FSHR: variants seen among roughly 807,000 people sequenced by gnomAD.
FSHR encodes follicle stimulating hormone receptor, also known as follicle-stimulating hormone receptor.
A neutral mutation model predicts 52.1 loss-of-function variants in FSHR; 46 were observed. The observed-to-expected ratio is 0.88, with a 90% CI of 0.70 to 1.13. FSHR has a LOEUF of 1.13. Among genes scored for constraint, FSHR ranks in the 50% most tolerant of loss-of-function variants. The pLI, the probability that FSHR is intolerant of heterozygous loss-of-function variation, is 0.00. For synonymous variants in FSHR, 399 were observed against 309.6 expected (o/e 1.29, Z -3.03); for missense variants, 964 against 834.6 (o/e 1.16, Z -1.91).
intron 1 of FSHR, among the ~76,000 whole-genome samples, chr2:49,122,535 A>G (rs1025168721): frequency 1.3e-5 from 2 of 152,058 alleles, no homozygotes; most frequent in African/African-American, 4.8e-5. Flanking sequence ...TTCTAGTTTT[A>G]TCCTGGCTGA....
chr2:49,110,332 C>T (rs1450216661), intron 1 of FSHR, among the ~76,000 whole-genome samples: 1 of 152,160 alleles, frequency 6.6e-6, no homozygotes, highest in African/African-American at 2.4e-5. Context: ...AAGATTTAAA[C>T]ATGGGCTGTC....
intron 2 of FSHR, among the ~76,000 whole-genome samples, chr2:49,033,538 T>C (rs1668175441): frequency 6.6e-6 from 1 of 152,118 alleles, no homozygotes; most frequent in Non-Finnish European, 1.5e-5. Context: ...TCAGCTCAGA[T>C]AAGGAAAGAG....
rs2072487 is a variant in FSHR at position 48,989,145 on chromosome 2, C to T, written c.447-91G>A. 677,915 of 906,506 alleles carry T rather than the reference C, an allele frequency of 0.75. 254,315 individuals are homozygous for T. Among genetic ancestry groups the T allele is most frequent in the Non-Finnish European group, 0.77 (432,174 of 557,690 alleles). The allele number at this position is 906,506 out of a possible 1,614,324, so 56.2% of individuals were successfully genotyped here. On this transcript the variant is annotated intron_variant, in intron 5 of 9. Transcript: ENST00000406846. ...AGTTTAACTGGCATGATGCGGTCTT[C>T]AGCTGAGGTAATGTATTAATATAAC...
chr2:49,058,476 G>A (rs1321569250), intron 2 of FSHR, among the ~76,000 whole-genome samples: 2 of 152,122 alleles, frequency 1.3e-5, no homozygotes, highest in African/African-American at 4.8e-5. Flanking sequence ...GAACCGGGAG[G>A]CAGAGGTTGC....
At chr2:48,985,870 C>T (rs1025334905) in intron 6 of FSHR, among the ~76,000 whole-genome samples, 2 of 147,666 alleles carry the variant, frequency 1.4e-5, no homozygotes, top group African/African-American at 2.5e-5. Context: ...CCCGCCACTG[C>T]GCCCGGCTAA....
At chr2:49,062,838 A>C (rs1669363856) in intron 2 of FSHR, among the ~76,000 whole-genome samples, 1 of 152,142 alleles carries the variant, frequency 6.6e-6, no homozygotes, top group African/African-American at 2.4e-5. Context: ...AGAAAAATGC[A>C]AATCAAACCA....
intron 4 of FSHR, among the ~76,000 whole-genome samples, chr2:48,994,980 A>G (rs1236838610): frequency 6.6e-6 from 1 of 152,136 alleles, no homozygotes; most frequent in Non-Finnish European, 1.5e-5. Context: ...ATTGCTGGGA[A>G]CCATTCTTAC....
chr2:48,965,953 C>A (rs1674460150), intron 9 of FSHR, among the ~76,000 whole-genome samples: 1 of 152,168 alleles, frequency 6.6e-6, no homozygotes, highest in Non-Finnish European at 1.5e-5. Flanking sequence ...AAGTGGCACT[C>A]TTGGACTCTG....
chr2:49,058,154 A>C (rs1669136847), intron 2 of FSHR, among the ~76,000 whole-genome samples: 2 of 152,232 alleles, frequency 1.3e-5, no homozygotes, highest in South Asian at 2.1e-4. Flanking sequence ...CATAGTATTG[A>C]AAGTTCAAAC....
At chr2:49,104,608 A>G (rs1462274639) in intron 1 of FSHR, among the ~76,000 whole-genome samples, 4 of 152,186 alleles carry the variant, frequency 2.6e-5, no homozygotes, top group African/African-American at 9.6e-5. Context: ...AATGGTTTGC[A>G]GAAAGATATC....
At chr2:49,123,292 G>T (rs963487523) in intron 1 of FSHR, among the ~76,000 whole-genome samples, 3 of 152,152 alleles carry the variant, frequency 2.0e-5, no homozygotes, top group African/African-American at 7.2e-5. Flanking sequence ...CTCGAGACCA[G>T]TCTGGGCAAC....
In FSHR at chr2:49,127,814, CT is replaced by C. The variant is rs1672083601; in HGVS notation, c.152+26451del. ...TCTTCTTCTTCTTCTTCTTCTTCTT[CT>C]TCTTCTTCTTCTTCCTCTTCTTCTT... is the stretch of plus-strand genomic sequence containing the variant. On this transcript the variant is annotated intron_variant, in intron 1 of 9. Coordinates refer to ENST00000406846, the MANE Select transcript of FSHR (RefSeq NM_000145.4). Among the ~76,000 whole-genome samples, 8 of 49,398 alleles carry C rather than the reference CT, an allele frequency of 1.6e-4. 1 individual carries two copies. The highest frequency in any genetic ancestry group is 5.0e-4 in the African/African-American group (6 of 12,042). The allele number at this position is 49,398 out of a possible 152,430, so 32.4% of individuals were successfully genotyped here.
chr2:49,053,744 G>C (rs574102991), intron 2 of FSHR, among the ~76,000 whole-genome samples: 1 of 152,186 alleles, frequency 6.6e-6, no homozygotes, highest in South Asian at 2.1e-4. Flanking sequence ...AGTAGAGGAG[G>C]CTGGGTTAAA....
At chr2:49,016,598 A>T (rs1667497910) in intron 4 of FSHR, among the ~76,000 whole-genome samples, 1 of 152,096 alleles carries the variant, frequency 6.6e-6, no homozygotes, top group South Asian at 2.1e-4. Context: ...TTAACAATAG[A>T]TGTATAAATG....
At chr2:48,964,781 A>G (rs972725461) in intron 9 of FSHR, among the ~76,000 whole-genome samples, 9 of 152,186 alleles carry the variant, frequency 5.9e-5, no homozygotes, top group African/African-American at 2.2e-4. Flanking sequence ...CCAAATGTAC[A>G]AGGGGCCTTG....
chr2:49,135,462 G>A (rs1672457361), intron 1 of FSHR, among the ~76,000 whole-genome samples: 2 of 152,140 alleles, frequency 1.3e-5, no homozygotes, highest in South Asian at 4.1e-4. Context: ...TCCAGCTAAG[G>A]TCATGCTTAT....
chr2:49,080,711 T>A (rs1670135352), intron 1 of FSHR, among the ~76,000 whole-genome samples: 1 of 152,236 alleles, frequency 6.6e-6, no homozygotes, highest in Non-Finnish European at 1.5e-5. Context: ...TGCTTTGACA[T>A]CTTCTGGCTT....
chr2:49,096,190 C>G (rs937384149), intron 1 of FSHR, among the ~76,000 whole-genome samples: 1 of 152,046 alleles, frequency 6.6e-6, no homozygotes, highest in African/African-American at 2.4e-5. Context: ...TCACAATAGT[C>G]AAAATTTGAA....
intron 2 of FSHR, among the ~76,000 whole-genome samples, chr2:49,054,001 G>A (rs1572684655): frequency 6.6e-6 from 1 of 152,158 alleles, no homozygotes; most frequent in South Asian, 2.1e-4. Context: ...TCTAAAGAGA[G>A]AAGAAAATAA....
Sources: gnomAD v4.1 joint callset for allele counts (sites outside exome capture counted in the v4.1 genomes callset) on GRCh38, gnomAD v4.1.1 for gene constraint, MANE v1.5 for transcripts, NCBI Gene and HGNC (gene_info 2026-07-23, HGNC 2026-07-21) for gene names.